RUNDC3A: variants seen among roughly 807,000 people sequenced by gnomAD.
The protein encoded by RUNDC3A is RUN domain-containing protein 3A.
Under a neutral mutation model 53.9 loss-of-function variants are expected in RUNDC3A, and 28 were observed. That is an observed-to-expected ratio of 0.52 (90% CI 0.38 to 0.71). The LOEUF (loss-of-function observed/expected upper bound fraction) is 0.71, where lower values mean the gene tolerates loss of function less well. Ranked by LOEUF, RUNDC3A falls within the 30% of genes least tolerant of loss-of-function variation. The pLI is 0.00. For synonymous variants in RUNDC3A, 232 were observed against 249.4 expected, an observed-to-expected ratio of 0.93 and a Z score of 0.66; for missense variants, 491 against 597.3, an observed-to-expected ratio of 0.82 and a Z score of 1.85.
At chr17:44,317,517 A>G (rs762075334) in intron 10 of RUNDC3A, 2 of 780,856 alleles carry the variant, frequency 2.6e-6, no homozygotes, top group East Asian at 2.4e-5. Context: ...GCTCCCTTCG[A>G]GCGAATGCCC....
chr17:44,314,235 G>T lies in RUNDC3A; in HGVS notation c.459-500G>T, dbSNP rs2047807521. Reference sequence around the variant, plus strand: ...AATCCCTGCACTGTGGGTTCACAGGGAGGTTGGGTGCCTGAGGCAAGGGGT... The same window carrying T: ...AATCCCTGCACTGTGGGTTCACAGGTAGGTTGGGTGCCTGAGGCAAGGGGT... On this transcript the variant is annotated intron_variant, in intron 4 of 10. Transcript: ENST00000426726. 5.0e-6 allele frequency: 5 copies of T among 1,004,336 alleles called. No homozygotes were observed. The African/African-American group carries it at 8.7e-5, about 17-fold the overall frequency. The allele number at this position is 1,004,336 out of a possible 1,614,324, so 62.2% of individuals were successfully genotyped here.
chr17:44,317,065 C>T lies in RUNDC3A; in HGVS notation c.1198+340C>T, dbSNP rs538695996. 5.5e-4 allele frequency: 203 copies of T among 372,094 alleles called. 8 individuals carry two copies. The South Asian group carries it at 6.7e-3, about 12-fold the overall frequency. 23.0% of individuals were successfully genotyped at this position (372,094 alleles called of 1,614,324 possible). On this transcript the variant is annotated intron_variant, in intron 10 of 10. Transcript: ENST00000426726. ...AGACGGAGTTTCGCCAGGCTGGTCT[C>T]GAACTCCTGACCTCAAGTGATTCAC...
chr17:44,315,036 G>C lies in RUNDC3A; in HGVS notation c.629+27G>C. On this transcript the variant is annotated intron_variant, in intron 6 of 10. Transcript: ENST00000426726. This position sits in a 1 kb window ranked among gnomAD's most constrained non-coding sequence, Gnocchi z 6.1. ...TGAGCGGCTCCATGACTGCGGCGGG[G>C]CGGGGGACGGGGCCTCGGGACATCC... is the stretch of plus-strand genomic sequence containing the variant. The C allele has an allele frequency of 6.2e-7, 1 of 1,613,128 alleles. No individual in the cohort carries two copies.
At position 44,318,401 on chromosome 17, in the gene RUNDC3A, C is replaced by A; in HGVS notation, c.*163C>A. 2.3e-6 allele frequency: 2 copies of A among 853,754 alleles called. No homozygotes were observed. Among genetic ancestry groups the A allele is most frequent in the Non-Finnish European group, 3.5e-6 (2 of 567,454 alleles). The allele number at this position is 853,754 out of a possible 1,614,324, so 52.9% of individuals were successfully genotyped here. ...CTCGTCTGCTCACCTTAGCTTTCTGCCTTGGCAGCACGGGCTGCGGAAGAA... is the reference window on the plus strand; with the variant it reads ...CTCGTCTGCTCACCTTAGCTTTCTGACTTGGCAGCACGGGCTGCGGAAGAA... On this transcript the variant is annotated 3_prime_UTR_variant, in exon 11 of 11. Transcript: ENST00000426726.
At chr17:44,317,997 TG>T (rs150419582) in intron 10 of RUNDC3A, 98 bp from the exon 11 acceptor site, 14 of 1,270,062 alleles carry the variant, frequency 1.1e-5, no homozygotes, top group African/African-American at 7.4e-5. Flanking sequence ...CAAGGTCTCC[TG>T]GGGGGTGACT....
At chr17:44,317,948 C>G in intron 10 of RUNDC3A, 148 bp from the exon 11 acceptor site, 1 of 795,414 alleles carries the variant, frequency 1.3e-6, no homozygotes, top group African/African-American at 1.7e-5. Flanking sequence ...GGTGCTTAAC[C>G]AAAGTTTAAC....
rs546939606 is a variant in RUNDC3A at position 44,318,184 on chromosome 17, C to T, written c.1287C>T (p.Asn429=). 302 of 1,551,512 alleles carry T rather than the reference C, an allele frequency of 1.9e-4. 4 individuals carry two copies. In the East Asian group the frequency reaches 6.4e-3, roughly 33 times the overall value. The stretch of plus-strand genomic sequence containing the variant: ...AGTCCCTGGCGAGCTTCAAATCCAA[C>T]GAGTGCCTGGTGAGCGACAGTCCCG... The part of the protein sequence containing the change: ...SCKSLASFKS[N]ECLVSDSPEG... Residue 429 remains asparagine, a synonymous_variant, in exon 11 of 11, where the codon AAC becomes AAT. Coordinates refer to ENST00000426726, the MANE Select transcript of RUNDC3A (RefSeq NM_001144825.2).
Position 44,308,839 on chromosome 17 carries a change from G to A in RUNDC3A, c.7G>A (p.Ala3Thr). The A allele has an allele frequency of 6.2e-7, 1 of 1,605,370 alleles. No individual in the cohort carries two copies. Among genetic ancestry groups the A allele is most frequent in the Non-Finnish European group, 8.5e-7 (1 of 1,175,592 alleles). ME[A>T]SFVQTTMALG... ...GCAGTGGCCGCACATCTGGATGGAA[G>A]CGAGCTTTGTCCAGACCACCATGGC... Residue 3 changes from alanine to threonine, a missense_variant, in exon 1 of 11, where the codon GCG (alanine) becomes ACG (threonine). Physicochemically the swap from Ala to Thr is moderately conservative, Grantham distance 58. Transcript: ENST00000426726.
At position 44,308,752 on chromosome 17, in the gene RUNDC3A, A is replaced by T. The variant is rs1379278292; in HGVS notation, c.-81A>T. On this transcript the variant is annotated 5_prime_UTR_variant, in exon 1 of 11. Coordinates refer to ENST00000426726, the MANE Select transcript of RUNDC3A (RefSeq NM_001144825.2). Reference sequence around the variant, plus strand: ...AGGGGCCCCGTCGGACAGAGGGCCCAGCCGTGATCCAGCGACGGGTTTGGG... The same window carrying T: ...AGGGGCCCCGTCGGACAGAGGGCCCTGCCGTGATCCAGCGACGGGTTTGGG... 8 of 908,844 alleles carry T rather than the reference A, an allele frequency of 8.8e-6. No individual in the cohort carries two copies. Among genetic ancestry groups the T allele is most frequent in the African/African-American group, 1.8e-5 (1 of 56,460 alleles). 56.3% of individuals were successfully genotyped at this position (908,844 alleles called of 1,614,324 possible).
chr17:44,318,598 CTG>C lies in RUNDC3A; in HGVS notation c.*364_*365del. ...CCCAGTCTCTAGCCTCTCCATCTGT[CTG>C]TGTATGGCCTGGAGTCACTCCTTCC... On this transcript the variant is annotated 3_prime_UTR_variant, in exon 11 of 11. Transcript: ENST00000426726. 1 of 257,866 alleles carries C rather than the reference CTG, an allele frequency of 3.9e-6. No homozygotes were observed. Among genetic ancestry groups the C allele is most frequent in the African/African-American group, 2.2e-5 (1 of 46,016 alleles). The allele number at this position is 257,866 out of a possible 1,614,324, so 16.0% of individuals were successfully genotyped here. A position where few individuals can be genotyped will look rare whatever the true frequency, so the allele number is the denominator to read the frequency against.
At chr17:44,312,394 C>G (rs1438056763) in intron 1 of RUNDC3A, among the ~76,000 whole-genome samples, 186 bp from the exon 2 acceptor site, 2 of 152,136 alleles carry the variant, frequency 1.3e-5, no homozygotes. Flanking sequence ...GCCACCCTCT[C>G]ACTCCACATG....
At chr17:44,314,688 G>GGGGCCCC in intron 4 of RUNDC3A, 47 bp from the exon 5 acceptor site, 1 of 931,060 alleles carries the variant, frequency 1.1e-6, no homozygotes, top group South Asian at 1.6e-5. Context: ...GGGGGGGGGG[G>GGGGCCCC]CGCTCCAGGG....
chr17:44,318,436 G>A lies in RUNDC3A; in HGVS notation c.*198G>A, dbSNP rs1266611667. On this transcript the variant is annotated 3_prime_UTR_variant, in exon 11 of 11. Transcript: ENST00000426726. Reference sequence around the variant, plus strand: ...ACGGGCTGCGGAAGAAAGCACGCTGGGCCAGGAGGCAGGGGTGCCCAAGCC... The same window carrying A: ...ACGGGCTGCGGAAGAAAGCACGCTGAGCCAGGAGGCAGGGGTGCCCAAGCC... 18 of 637,404 alleles carry A rather than the reference G, an allele frequency of 2.8e-5. No individual in the cohort carries two copies. Among genetic ancestry groups the A allele is most frequent in the Non-Finnish European group, 4.2e-5 (16 of 379,698 alleles). 39.5% of individuals were successfully genotyped at this position (637,404 alleles called of 1,614,324 possible).
In RUNDC3A at chr17:44,314,914, G is replaced by T; in HGVS notation, c.549-15G>T. 6.2e-7 allele frequency: 1 copy of T among 1,614,020 alleles called. No individual in the cohort carries two copies. The highest frequency in any genetic ancestry group is 8.5e-7 in the Non-Finnish European group (1 of 1,179,896). ...CCTCACACCCACCTCCAACCCTGTGGCTCCTCTGCCTCAGCTTCTGTCTAA... is the reference window on the plus strand; with the variant it reads ...CCTCACACCCACCTCCAACCCTGTGTCTCCTCTGCCTCAGCTTCTGTCTAA... On this transcript the variant is annotated splice_polypyrimidine_tract_variant and intron_variant, in intron 5 of 10. Transcript: ENST00000426726.
chr17:44,318,280 T>A lies in RUNDC3A; in HGVS notation c.*42T>A, dbSNP rs969585050. The A allele has an allele frequency of 2.6e-6, 4 of 1,527,380 alleles. No individual in the cohort carries two copies. The Admixed American group carries it at 7.9e-5, about 30-fold the overall frequency. 94.6% of individuals were successfully genotyped at this position (1,527,380 alleles called of 1,614,324 possible). ...TGCCAGCCCCACCTGCCAGGGGCCA[T>A]GGACACCTGCCACCTTTCTTCAACA... On this transcript the variant is annotated 3_prime_UTR_variant, in exon 11 of 11. Coordinates refer to ENST00000426726, the MANE Select transcript of RUNDC3A (RefSeq NM_001144825.2).
At chr17:44,314,269 G>A (rs2047808224) in intron 4 of RUNDC3A, 1 of 1,009,782 alleles carries the variant, frequency 9.9e-7, no homozygotes. Flanking sequence ...GTTACAAGGA[G>A]GAGTGTGCCT....
In RUNDC3A at chr17:44,313,132, GTTCA is replaced by G. The variant is rs1173586713; in HGVS notation, c.253_256del (p.Phe85AlafsTer24). On this transcript the variant is annotated frameshift_variant, in exon 3 of 11. Transcript: ENST00000426726. LOFTEE classifies it high-confidence loss of function. The stretch of plus-strand genomic sequence containing the variant: ...GTGCCCCAGCAGGTCCAGTGAGCTG[GTTCA>G]GCTCAGACGGGCAGCGGGGCTTTTG... The G allele has an allele frequency of 6.2e-7, 1 of 1,614,066 alleles. No individual in the cohort carries two copies.
chr17:44,317,093 A>G (rs850719), intron 10 of RUNDC3A: 254,628 of 377,592 alleles, frequency 0.67, 88,574 homozygotes, highest in East Asian at 0.96. Context: ...TGATTCACCC[A>G]CCTTGGCCTC....
In RUNDC3A at chr17:44,318,131, G is replaced by A. The variant is rs773884491; in HGVS notation, c.1234G>A (p.Gly412Ser). 2.7e-5 allele frequency: 42 copies of A among 1,551,366 alleles called. No homozygotes were observed. The South Asian group carries it at 3.2e-4, about 12-fold the overall frequency. ...CACGCCCTCCATGCTGGGCCTCTGC[G>A]GCTCCCTGGCCTCCATTCCCAGCTG... Reference protein sequence around the residue: ...DPTPSMLGLCGSLASIPSCKS... With the variant: ...DPTPSMLGLCSSLASIPSCKS... Residue 412 changes from glycine to serine, a missense_variant, in exon 11 of 11, where the codon GGC becomes AGC. By Grantham distance (56) the Gly-to-Ser change is moderately conservative. Coordinates refer to ENST00000426726, the MANE Select transcript of RUNDC3A (RefSeq NM_001144825.2).
Sources: allele counts gnomAD v4.1 joint callset (sites outside exome capture counted in the v4.1 genomes callset), GRCh38; gene constraint gnomAD v4.1.1; non-coding constraint Gnocchi (gnomAD v3.1); transcripts MANE v1.5; gene names NCBI Gene and HGNC (gene_info 2026-07-23, HGNC 2026-07-21).